PLCE1: variants seen among roughly 807,000 people sequenced by gnomAD.
PLCE1 encodes phospholipase C epsilon 1.
In PLCE1, 119 loss-of-function variants were observed where a neutral mutation model predicts 242.8. The observed-to-expected ratio is 0.49, with a 90% confidence interval of 0.42 to 0.57. The LOEUF is 0.57. Among genes scored for constraint, PLCE1 ranks in the 20% least tolerant of loss-of-function variants. The pLI is 0.00. For synonymous variants in PLCE1, 945 were observed against 1,017.4 expected, an observed-to-expected ratio of 0.93 and a Z score of 1.35; for missense variants, 2,441 against 2,788.8, an observed-to-expected ratio of 0.88 and a Z score of 2.81.
chr10:94,324,940 A>C lies in PLCE1; in HGVS notation c.6769A>C (p.Lys2257Gln). Residue 2257 changes from lysine (K) to glutamine (Q), a missense_variant, in exon 32 of 33, where the codon AAG becomes CAG. Lys to Gln is a moderately conservative substitution (Grantham distance 53, BLOSUM62 1). Transcript: ENST00000371380. ...AGGCATTTCTTTCGCAAGTGAACTC[A>C]AGAAGCTCACCAAGTCAACTAAACA... ...KKGISFASEL[K>Q]KLTKSTKQPR... 1 of 1,614,194 alleles carries C rather than the reference A, an allele frequency of 6.2e-7. No individual in the cohort carries two copies.
intron 4 of PLCE1, among the ~76,000 whole-genome samples, chr10:94,187,571 A>T (rs542063727): frequency 6.6e-6 from 1 of 152,070 alleles, no homozygotes. Flanking sequence ...GTAGTAGAGG[A>T]GGTGGGTCTG....
chr10:94,051,629 T>C (rs2043769550), intron 2 of PLCE1, among the ~76,000 whole-genome samples: 1 of 152,218 alleles, frequency 6.6e-6, no homozygotes, highest in Non-Finnish European at 1.5e-5. Flanking sequence ...ACTGCTAAGA[T>C]TGAAACTTAA....
rs142760533 is a variant in PLCE1 at position 94,227,951 on chromosome 10, A to G, written c.1955+500A>G. ...CAAGTATGAGCTATGCACATTCCCT[A>G]TATTGTATGTTTTAATTCTCAAAAC... On this transcript the variant is annotated intron_variant, in intron 5 of 32. Transcript: ENST00000371380. 2.6e-3 allele frequency among the ~76,000 whole-genome samples: 391 copies of G among 152,314 alleles called. 1 individual carries two copies. Among genetic ancestry groups the G allele is most frequent in the Non-Finnish European group, 4.1e-3 (281 of 68,028 alleles).
chr10:94,280,483 GTTAACTACAGA>G (rs2052166912), intron 20 of PLCE1: 1 of 156,100 alleles, frequency 6.4e-6, no homozygotes, highest in Admixed American at 6.2e-5. Context: ...CACGAATGAT[GTTAACTACAGA>G]TTACTAGCGA....
intron 2 of PLCE1, among the ~76,000 whole-genome samples, chr10:94,127,416 G>A (rs1308189448): frequency 1.3e-5 from 2 of 152,146 alleles, no homozygotes; most frequent in Admixed American, 1.3e-4. Flanking sequence ...ACTGGGCCAT[G>A]GTCTTTCATC....
chr10:94,165,294 G>A (rs1005076934), intron 3 of PLCE1, among the ~76,000 whole-genome samples: 27 of 152,184 alleles, frequency 1.8e-4, no homozygotes, highest in Non-Finnish European at 2.6e-4. Flanking sequence ...CGAGCTTCCC[G>A]GCTGCTTTGT....
At chr10:94,001,344 T>A (rs576130570) in intron 1 of PLCE1, among the ~76,000 whole-genome samples, 10 of 152,288 alleles carry the variant, frequency 6.6e-5, no homozygotes, top group African/African-American at 1.9e-4. Flanking sequence ...GTAAAAATAA[T>A]GAAAGGTCTC....
intron 2 of PLCE1, among the ~76,000 whole-genome samples, chr10:94,113,250 A>G (rs1196192463): frequency 6.9e-6 from 1 of 144,736 alleles, no homozygotes; most frequent in Non-Finnish European, 1.5e-5. Flanking sequence ...AATGTGAATT[A>G]TATCTCAATA....
intron 1 of PLCE1, among the ~76,000 whole-genome samples, chr10:94,027,056 A>G (rs1029957192): frequency 7.2e-5 from 11 of 152,226 alleles, no homozygotes; most frequent in African/African-American, 2.6e-4. Context: ...ACCAGACCCC[A>G]ATGTCTGACT....
At chr10:94,172,435 T>G (rs1343935530) in intron 4 of PLCE1, among the ~76,000 whole-genome samples, 3 of 152,244 alleles carry the variant, frequency 2.0e-5, no homozygotes, top group Non-Finnish European at 4.4e-5. Context: ...TTGCCTATTT[T>G]GGTCATTTAG....
At chr10:94,020,190 A>T (rs959429441) in intron 1 of PLCE1, among the ~76,000 whole-genome samples, 8 of 152,308 alleles carry the variant, frequency 5.3e-5, no homozygotes, top group Non-Finnish European at 1.2e-4. Context: ...AATTTTAGCT[A>T]GTCTAGTGGG....
chr10:94,306,354 G>T lies in PLCE1; in HGVS notation c.5623-73G>T. 1 of 1,612,556 alleles carries T rather than the reference G, an allele frequency of 6.2e-7. No homozygotes were observed. The highest frequency in any genetic ancestry group is 8.5e-7 in the Non-Finnish European group (1 of 1,178,918). On this transcript the variant is annotated intron_variant, in intron 25 of 32. Coordinates refer to ENST00000371380, the MANE Select transcript of PLCE1 (RefSeq NM_016341.4). This position sits in a 1 kb window ranked among gnomAD's most constrained non-coding sequence, Gnocchi z 5.7. Reference sequence around the variant, plus strand: ...TCTTGGGATTCCTTTGCAGAGGGAAGCAGTGAGGTGCAGAGGTTGTCTTTC... The same window carrying T: ...TCTTGGGATTCCTTTGCAGAGGGAATCAGTGAGGTGCAGAGGTTGTCTTTC...
At chr10:94,157,248 T>C (rs2047461956) in intron 3 of PLCE1, among the ~76,000 whole-genome samples, 2 of 152,342 alleles carry the variant, frequency 1.3e-5, no homozygotes, top group South Asian at 2.1e-4. Flanking sequence ...GCTTCTAAGA[T>C]GAAAGGCCCC....
Position 94,034,600 on chromosome 10 carries a change from A to G in PLCE1, c.1206+2348A>G, listed in dbSNP as rs145985134. On this transcript the variant is annotated intron_variant, in intron 2 of 32. Transcript: ENST00000371380. ...ACGGAAGAATTCTGTTCGTTTCAGC[A>G]TCTGTTGATTGAGTGACCCCATTCA... 1.0e-3 allele frequency among the ~76,000 whole-genome samples: 157 copies of G among 152,296 alleles called. 1 individual carries two copies. The highest frequency in any genetic ancestry group is 2.9e-3 in the East Asian group (15 of 5,168).
chr10:94,093,337 T>C (rs1285524924), intron 2 of PLCE1, among the ~76,000 whole-genome samples: 1 of 152,274 alleles, frequency 6.6e-6, no homozygotes, highest in African/African-American at 2.4e-5. Context: ...AAAGTCTTTG[T>C]GAACGTTTCA....
At chr10:94,262,870 T>TG in intron 14 of PLCE1, 138 bp downstream of exon 14, 1 of 770,692 alleles carries the variant, frequency 1.3e-6, no homozygotes, top group Admixed American at 1.9e-5. Flanking sequence ...TGTTTTTTTT[T>TG]TTGTTTTTTT....
At chr10:94,117,544 T>A (rs2046171301) in intron 2 of PLCE1, among the ~76,000 whole-genome samples, 1 of 152,190 alleles carries the variant, frequency 6.6e-6, no homozygotes, top group Non-Finnish European at 1.5e-5. Flanking sequence ...TATATGCAGA[T>A]GCCAAAGACC....
chr10:94,007,776 G>C (rs913384450), intron 1 of PLCE1, among the ~76,000 whole-genome samples: 5 of 130,612 alleles, frequency 3.8e-5, no homozygotes, highest in South Asian at 2.4e-4. Flanking sequence ...TATTTACATA[G>C]TTACACACAT....
intron 1 of PLCE1, among the ~76,000 whole-genome samples, chr10:94,008,214 A>G (rs1459872121): frequency 8.4e-6 from 1 of 119,340 alleles, no homozygotes; most frequent in Non-Finnish European, 1.7e-5. Context: ...AAAAAAAAAA[A>G]GTAACAATAT....
Sources: gnomAD v4.1 joint callset for allele counts (sites outside exome capture counted in the v4.1 genomes callset) on GRCh38, gnomAD v4.1.1 for gene constraint, Gnocchi (gnomAD v3.1) non-coding constraint, MANE v1.5 for transcripts, NCBI Gene and HGNC (gene_info 2026-07-23, HGNC 2026-07-21) for gene names.